Variants in TENM2 observed in about 807,000 individuals in gnomAD.
TENM2 encodes the protein teneurin-2.
Under a neutral mutation model 245.2 loss-of-function variants are expected in TENM2, and 52 were observed. The ratio of observed to expected loss-of-function variants is 0.21; its 90% CI spans 0.17 to 0.27. TENM2 has a LOEUF of 0.27. Among genes scored for constraint, TENM2 ranks in the 10% least tolerant of loss-of-function variants. TENM2 has a pLI of 1.00. For missense variants in TENM2, 3,046 were observed against 3,666.8 expected (o/e 0.83, Z 4.37); for synonymous variants, 1,363 against 1,438.9 (o/e 0.95, Z 1.19).
At chr5:167,096,413 T>C in the TENM2 span, among the ~76,000 whole-genome samples, 1 of 152,222 alleles carries the variant, frequency 6.6e-6, no homozygotes, top group Non-Finnish European at 1.5e-5. Flanking sequence ...TAACACATTT[T>C]TAGAGTCACT....
chr5:167,149,311 T>C, the TENM2 span, among the ~76,000 whole-genome samples: 1 of 152,320 alleles, frequency 6.6e-6, no homozygotes, highest in East Asian at 1.9e-4. Context: ...GAATTACTTC[T>C]TCAGTTGTTA....
At chr5:167,268,586 G>A in the TENM2 span, among the ~76,000 whole-genome samples, 3 of 152,234 alleles carry the variant, frequency 2.0e-5, no homozygotes, top group South Asian at 4.1e-4. Context: ...AATTCCAAAT[G>A]TCTTGCTTTT....
the TENM2 span, among the ~76,000 whole-genome samples, chr5:167,264,031 G>A: frequency 1.3e-5 from 2 of 151,796 alleles, no homozygotes; most frequent in African/African-American, 4.8e-5. Context: ...CTTGAACTCG[G>A]GAGGTGGAGG....
At chr5:167,328,493 T>C (rs1289306675) in intron 1 of TENM2, among the ~76,000 whole-genome samples, 1 of 152,138 alleles carries the variant, frequency 6.6e-6, no homozygotes, top group African/African-American at 2.4e-5. Flanking sequence ...ACCCAGCCAG[T>C]TTCCCATATC....
chr5:167,324,594 C>T (rs1424116159), intron 1 of TENM2, among the ~76,000 whole-genome samples: 4 of 151,516 alleles, frequency 2.6e-5, no homozygotes, highest in East Asian at 1.9e-4. Flanking sequence ...AAAACTAAAT[C>T]GAACCAGGTA....
intron 2 of TENM2, among the ~76,000 whole-genome samples, chr5:167,817,865 A>G (rs1212936298): frequency 1.3e-5 from 2 of 152,146 alleles, no homozygotes; most frequent in Non-Finnish European, 2.9e-5. Flanking sequence ...GGGGGCATGA[A>G]TTTGAGCAAA....
chr5:167,521,382 A>C (rs1026363364), intron 2 of TENM2, among the ~76,000 whole-genome samples: 1 of 152,150 alleles, frequency 6.6e-6, no homozygotes, highest in African/African-American at 2.4e-5. Context: ...ATGAGATTCA[A>C]ATTTTGAATT....
At chr5:167,632,960 ATATGT>A (rs1261382513) in intron 2 of TENM2, among the ~76,000 whole-genome samples, 4 of 152,160 alleles carry the variant, frequency 2.6e-5, no homozygotes, top group Non-Finnish European at 5.9e-5. Flanking sequence ...AACAGAGTTG[ATATGT>A]TATGAGTAAG....
At chr5:168,104,115 T>C (rs1416133950) in intron 9 of TENM2, among the ~76,000 whole-genome samples, 1 of 152,088 alleles carries the variant, frequency 6.6e-6, no homozygotes, top group Admixed American at 6.5e-5. Context: ...TGCAACCTCC[T>C]TCTCCCAGGT....
chr5:168,096,909 C>G (rs1436715203), intron 8 of TENM2, among the ~76,000 whole-genome samples: 3 of 152,082 alleles, frequency 2.0e-5, no homozygotes, highest in African/African-American at 7.2e-5. Flanking sequence ...TGTGCAGACC[C>G]AAATCAACAT....
At chr5:167,264,980 A>G in the TENM2 span, among the ~76,000 whole-genome samples, 1 of 152,126 alleles carries the variant, frequency 6.6e-6, no homozygotes, top group African/African-American at 2.4e-5. Flanking sequence ...AGTCAAATAT[A>G]GAGCAAAAAT....
intron 2 of TENM2, among the ~76,000 whole-genome samples, chr5:167,758,972 A>G (rs76017699): frequency 0.032 from 4,928 of 151,898 alleles, 281 homozygotes; most frequent in African/African-American, 0.11. Context: ...TACTATGGAT[A>G]CCTTGATACT....
intron 2 of TENM2, among the ~76,000 whole-genome samples, chr5:167,431,333 A>G (rs912732186): frequency 2.0e-5 from 3 of 152,168 alleles, no homozygotes; most frequent in African/African-American, 7.2e-5. Flanking sequence ...GTTCCCCCAT[A>G]TTTAGGTTGA....
intron 2 of TENM2, among the ~76,000 whole-genome samples, chr5:167,668,423 AC>A (rs1755712738): frequency 6.6e-6 from 1 of 152,154 alleles, no homozygotes. Context: ...TTTTTTAAAA[AC>A]GTTCCACAAA....
intron 13 of TENM2, among the ~76,000 whole-genome samples, chr5:168,171,961 T>G (rs1467162385): frequency 6.6e-6 from 1 of 152,196 alleles, no homozygotes; most frequent in African/African-American, 2.4e-5. Context: ...GACCAGCATT[T>G]GAATAAAGAG....
At chr5:167,598,870 C>T (rs1010630121) in intron 2 of TENM2, among the ~76,000 whole-genome samples, 43 of 152,032 alleles carry the variant, frequency 2.8e-4, no homozygotes, top group African/African-American at 9.4e-4. Flanking sequence ...TAATTTATAC[C>T]GCAGGTTAAT....
At chr5:167,211,062 G>A in the TENM2 span, among the ~76,000 whole-genome samples, 3 of 152,122 alleles carry the variant, frequency 2.0e-5, no homozygotes, top group Non-Finnish European at 4.4e-5. Context: ...CTCCAACAAG[G>A]TCTTTTGAGC....
intron 24 of TENM2, 55 bp from the exon 27 acceptor site, chr5:168,227,840 C>T: frequency 8.5e-7 from 1 of 1,182,646 alleles, no homozygotes; most frequent in South Asian, 1.5e-5. Context: ...TCTCTTCTGA[C>T]TAATAGAGCG....
chr5:167,872,012 G>A, intron 2 of TENM2, among the ~76,000 whole-genome samples: 1 of 152,016 alleles, frequency 6.6e-6, no homozygotes, highest in African/African-American at 2.4e-5. Context: ...CAGCATACCA[G>A]GGCTGGCATG....
Sources: gnomAD v4.1 joint callset for allele counts (sites outside exome capture counted in the v4.1 genomes callset) on GRCh38, gnomAD v4.1.1 for gene constraint, MANE v1.5 for transcripts, NCBI Gene and HGNC (gene_info 2026-07-23, HGNC 2026-07-21) for gene names.